CRIP3: variants seen among roughly 807,000 people sequenced by gnomAD.
The protein encoded by CRIP3 is cysteine rich protein 3, also known as cysteine-rich protein 3.
In CRIP3, 23 loss-of-function variants were observed where a neutral mutation model predicts 30.3. That is an observed-to-expected ratio of 0.76 (90% CI 0.55 to 1.08). CRIP3 has a LOEUF of 1.08. CRIP3 is among the 50% of genes least tolerant of loss of function. The pLI, the probability that CRIP3 is intolerant of heterozygous loss-of-function variation, is 0.00. For synonymous variants in CRIP3, 89 were observed against 97.6 expected (o/e 0.91, Z 0.52); for missense variants, 261 against 259.3 (o/e 1.01, Z -0.04).
At chr6:43,307,431 A>T in intron 4 of CRIP3, 181 bp downstream of exon 4, 1 of 500,956 alleles carries the variant, frequency 2.0e-6, no homozygotes, top group East Asian at 3.5e-5. Flanking sequence ...AGCTCACATG[A>T]GGGAATAGAA....
intron 2 of CRIP3, 76 bp from the exon 3 acceptor site, chr6:43,307,972 G>C: frequency 6.6e-7 from 1 of 1,506,864 alleles, no homozygotes; most frequent in Non-Finnish European, 9.1e-7. Context: ...CCCCAGACAG[G>C]CTGCCAGGTG....
rs756963871 is a variant in CRIP3 at position 43,306,113 on chromosome 6, G to A, written c.507C>T (p.Val169=). 1.3e-5 allele frequency: 21 copies of A among 1,613,908 alleles called. No individual in the cohort carries two copies. In the South Asian group the frequency reaches 2.3e-4, roughly 18 times the overall value. ...TAGSHAEHDG[V]PYCHVPCYGY... is the part of the protein sequence containing the mutation. ...CGTAGCAGGGGACGTGGCAGTAGGG[G>A]ACTCCATCATGCTGAGACACAGAGA... Residue 169 remains valine (V), a synonymous_variant, in exon 7 of 8, where the codon GTC becomes GTT. Coordinates refer to ENST00000372569, the MANE Select transcript of CRIP3 (RefSeq NM_206922.3).
At chr6:43,306,044 G>C (rs1778923170) in intron 7 of CRIP3, 23 bp downstream of exon 7, 1 of 1,610,652 alleles carries the variant, frequency 6.2e-7, no homozygotes, top group Non-Finnish European at 8.5e-7. Flanking sequence ...TGCCATCCCA[G>C]TGTCTGGGAT....
intron 4 of CRIP3, 152 bp downstream of exon 4, chr6:43,307,460 A>AT (rs1336142597): frequency 2.9e-6 from 2 of 682,490 alleles, no homozygotes; most frequent in Non-Finnish European, 4.4e-6. Flanking sequence ...AGAAAAAAAA[A>AT]GCGGGGAGTA....
In CRIP3 at chr6:43,306,283, CA is replaced by C. The variant is rs773327847; in HGVS notation, c.430del (p.Trp144GlyfsTer6). The C allele has an allele frequency of 3.5e-5, 56 of 1,613,994 alleles. No homozygotes were observed. The highest frequency in any genetic ancestry group is 4.6e-5 in the Non-Finnish European group (54 of 1,180,018). ...AEKVMSLGRN[W>X]HRPCLRCQRC... ...CTGGCACCTCAGACACGGTCGGTGC[CA>C]ATTTCTGCCTAATGACATCACCTTC... On this transcript the variant is annotated frameshift_variant, in exon 6 of 8. Coordinates refer to ENST00000372569, the MANE Select transcript of CRIP3 (RefSeq NM_206922.3). LOFTEE classifies it high-confidence loss of function.
rs755402534 is a variant in CRIP3 at position 43,307,607 on chromosome 6, C to T, written c.328+5G>A. ...AGGACTGGGAGGAGCTGAGCCCAGC[C>T]TTACTTTTCTTGCCTTGGGGGAGGC... On this transcript the variant is annotated splice_donor_5th_base_variant and intron_variant, in intron 4 of 7. Transcript: ENST00000372569. 2.4e-5 allele frequency: 35 copies of T among 1,462,704 alleles called. 1 individual carries two copies. Among genetic ancestry groups the T allele is most frequent in the Middle Eastern group, 2.1e-4 (1 of 4,866 alleles). The allele number at this position is 1,462,704 out of a possible 1,614,324, so 90.6% of individuals were successfully genotyped here. A position where few individuals can be genotyped will look rare whatever the true frequency, so the allele number is the denominator to read the frequency against.
At position 43,305,791 on chromosome 6, in the gene CRIP3, G is replaced by A. The variant is rs370836390; in HGVS notation, c.*23C>T. ...GGGGCATGATGGGAGGCCTGAGTTA[G>A]GGTGACCTTTTTTGTGAGCGTCTCA... On this transcript the variant is annotated 3_prime_UTR_variant, in exon 8 of 8. Transcript: ENST00000372569. 1 of 1,613,806 alleles carries A rather than the reference G, an allele frequency of 6.2e-7. No homozygotes were observed. The highest frequency in any genetic ancestry group is 8.5e-7 in the Non-Finnish European group (1 of 1,179,922).
intron 2 of CRIP3, among the ~76,000 whole-genome samples, 155 bp from the exon 3 acceptor site, chr6:43,308,051 C>T (rs543629084): frequency 1.3e-5 from 2 of 152,290 alleles, no homozygotes; most frequent in South Asian, 4.1e-4. Flanking sequence ...CCAGCATTTC[C>T]ACTGTGGTCA....
rs1161313248 is a variant in CRIP3, at chr6:43,306,522, A to G, written c.329-5T>C. On this transcript the variant is annotated splice_polypyrimidine_tract_variant and splice_region_variant and intron_variant, in intron 4 of 7. Coordinates refer to ENST00000372569, the MANE Select transcript of CRIP3 (RefSeq NM_206922.3). Reference sequence around the variant, plus strand: ...ATGTCTTCATATGGGGAGGGCCTTTAAAGGGGAAGAGGCCCTGGCTATGTC... The same window carrying G: ...ATGTCTTCATATGGGGAGGGCCTTTGAAGGGGAAGAGGCCCTGGCTATGTC... 1 of 1,599,518 alleles carries G rather than the reference A, an allele frequency of 6.3e-7. No individual in the cohort carries two copies. Among genetic ancestry groups the G allele is most frequent in the South Asian group, 1.1e-5 (1 of 88,496 alleles).
intron 2 of CRIP3, 123 bp from the exon 3 acceptor site, chr6:43,308,019 G>T: frequency 9.1e-7 from 1 of 1,096,266 alleles, no homozygotes; most frequent in Non-Finnish European, 1.3e-6. Flanking sequence ...GGCCTGGGAG[G>T]GGTGGGGGAT....
chr6:43,306,051 G>C lies in CRIP3; in HGVS notation c.553+16C>G, dbSNP rs543114859. 29 of 1,611,946 alleles carry C rather than the reference G, an allele frequency of 1.8e-5. No individual in the cohort carries two copies. The highest frequency in any genetic ancestry group is 3.3e-4 in the Middle Eastern group (2 of 6,042). On this transcript the variant is annotated intron_variant, in intron 7 of 7. Coordinates refer to ENST00000372569, the MANE Select transcript of CRIP3 (RefSeq NM_206922.3). ...CATGTACATGCCATCCCAGTGTCTG[G>C]GATGGGGCTGCCCACCTTTGGGGCC...
At chr6:43,307,978 A>T in intron 2 of CRIP3, 82 bp from the exon 3 acceptor site, 1 of 1,478,808 alleles carries the variant, frequency 6.8e-7, no homozygotes, top group Non-Finnish European at 9.3e-7. Context: ...ACAGGCTGCC[A>T]GGTGTGTCTG....
At position 43,306,466 on chromosome 6, in the gene CRIP3, C is replaced by A; in HGVS notation, c.380G>T (p.Cys127Phe). 6.2e-7 allele frequency: 1 copy of A among 1,613,496 alleles called. No homozygotes were observed. Among genetic ancestry groups the A allele is most frequent in the South Asian group, 1.1e-5 (1 of 90,998 alleles). Residue 127 changes from cysteine to phenylalanine, a missense_variant, in exon 5 of 8, where the codon TGT (cysteine) becomes TTT (phenylalanine). Transcript: ENST00000372569. Reference sequence around the variant, plus strand: ...CTTACCAAAATAGACGGGCTCCCCACAGCCAGGGCACAGCGAGGTCTCCCC... The same window carrying A: ...CTTACCAAAATAGACGGGCTCCCCAAAGCCAGGGCACAGCGAGGTCTCCCC... The part of the protein sequence containing the change: ...FTGETSLCPG[C>F]GEPVYFAEKV...
At position 43,307,447 on chromosome 6, in the gene CRIP3, G is replaced by C. The variant is rs1316754610; in HGVS notation, c.328+165C>G. On this transcript the variant is annotated intron_variant, in intron 4 of 7. Transcript: ENST00000372569. ...GCTCACATGAGGGAATAGAAAGAAA[G>C]AAAGAAAAAAAAAGCGGGGAGTAGA... 3 of 616,276 alleles carry C rather than the reference G, an allele frequency of 4.9e-6. No homozygotes were observed. In the Admixed American group the frequency reaches 1.1e-4, roughly 23 times the overall value. 38.2% of individuals were successfully genotyped at this position (616,276 alleles called of 1,614,324 possible).
chr6:43,307,826 G>A lies in CRIP3; in HGVS notation c.196+13C>T. ...GTTCTGCTGACCCATGGCCCCTTAA[G>A]GCTGGTACTTACCCCTGGGTCCAAA... On this transcript the variant is annotated intron_variant, in intron 3 of 7. Transcript: ENST00000372569. The A allele has an allele frequency of 6.2e-7, 1 of 1,614,086 alleles. No individual in the cohort carries two copies. The highest frequency in any genetic ancestry group is 8.5e-7 in the Non-Finnish European group (1 of 1,180,012).
Position 43,307,607 on chromosome 6 carries a change from CT to C in CRIP3, c.328+4del. ...AGGACTGGGAGGAGCTGAGCCCAGC[CT>C]TACTTTTCTTGCCTTGGGGGAGGCC... On this transcript the variant is annotated splice_donor_region_variant and intron_variant, in intron 4 of 7. Transcript: ENST00000372569. 1 of 1,462,704 alleles carries C rather than the reference CT, an allele frequency of 6.8e-7. No individual in the cohort carries two copies. The highest frequency in any genetic ancestry group is 1.6e-5 in the South Asian group (1 of 63,748). 90.6% of individuals were successfully genotyped at this position (1,462,704 alleles called of 1,614,324 possible). A position where few individuals can be genotyped will look rare whatever the true frequency, so the allele number is the denominator to read the frequency against.
At chr6:43,306,412 T>C (rs376130095) in intron 5 of CRIP3, 34 bp downstream of exon 5, 104 of 1,555,620 alleles carry the variant, frequency 6.7e-5, no homozygotes, top group Non-Finnish European at 8.8e-5. Flanking sequence ...GCCCACCCTG[T>C]ATCCCCCTCC....
rs1320458711 is a variant in CRIP3 at position 43,306,467 on chromosome 6, A to G, written c.379T>C (p.Cys127Arg). 2 of 1,612,728 alleles carry G rather than the reference A, an allele frequency of 1.2e-6. No individual in the cohort carries two copies. Among genetic ancestry groups the G allele is most frequent in the Non-Finnish European group, 1.7e-6 (2 of 1,179,572 alleles). ...FTGETSLCPG[C>R]GEPVYFAEKV... ...TTACCAAAATAGACGGGCTCCCCAC[A>G]GCCAGGGCACAGCGAGGTCTCCCCA... is the stretch of plus-strand genomic sequence containing the variant. Residue 127 changes from cysteine (C) to arginine (R), a missense_variant, in exon 5 of 8, where the codon TGT becomes CGT. Coordinates refer to ENST00000372569, the MANE Select transcript of CRIP3 (RefSeq NM_206922.3).
intron 7 of CRIP3, 21 bp downstream of exon 7, chr6:43,306,046 G>C: frequency 6.2e-7 from 1 of 1,610,598 alleles, no homozygotes; most frequent in Non-Finnish European, 8.5e-7. Flanking sequence ...CCATCCCAGT[G>C]TCTGGGATGG....
Sources: gnomAD v4.1 joint callset for allele counts (sites outside exome capture counted in the v4.1 genomes callset) on GRCh38, gnomAD v4.1.1 for gene constraint, MANE v1.5 for transcripts, NCBI Gene and HGNC (gene_info 2026-07-23, HGNC 2026-07-21) for gene names.